The following SETD1B variants were observed in gnomAD, a reference collection of about 807,000 sequenced individuals.
SETD1B encodes SET domain containing 1B, histone lysine methyltransferase, also known as histone-lysine N-methyltransferase SETD1B.
A neutral mutation model predicts 148.0 loss-of-function variants in SETD1B; 7 were observed. That is an observed-to-expected ratio of 0.05 (90% CI 0.03 to 0.09). The LOEUF (loss-of-function observed/expected upper bound fraction) is 0.09. Ranked by LOEUF, SETD1B falls within the 10% of genes least tolerant of loss-of-function variation. The probability of loss-of-function intolerance (pLI) is 1.00; values close to 1 mark genes in which losing one functional copy is unlikely to be tolerated. For synonymous variants in SETD1B, 1,361 were observed against 1,186.5 expected, an observed-to-expected ratio of 1.15 and a Z score of -3.02; for missense variants, 2,155 against 2,729.9, an observed-to-expected ratio of 0.79 and a Z score of 4.69.
chr12:121,805,991 C>T lies in SETD1B; in HGVS notation c.430C>T (p.Leu144=). The T allele has an allele frequency of 6.4e-7, 1 of 1,551,682 alleles. No individual in the cohort carries two copies. The highest frequency in any genetic ancestry group is 1.2e-5 in the South Asian group (1 of 84,060). The change falls in exon 4 of 17, where the codon CTG becomes TTG. Residue 144 remains leucine, a synonymous_variant. Transcript: ENST00000604567. This position sits in a 1 kb window ranked among gnomAD's most constrained non-coding sequence, Gnocchi z 4.2. ...ILYNPKTKKH[L]GIAKVVFATV... is the part of the protein sequence containing the mutation. ...GTACAACCCCAAGACCAAGAAGCAC[C>T]TGGGCATCGCCAAGGTGGTCTTTGC...
intron 12 of SETD1B, among the ~76,000 whole-genome samples, chr12:121,824,839 C>T (rs2137583494): frequency 6.6e-6 from 1 of 152,044 alleles, no homozygotes. Context: ...ATAGCAAAAC[C>T]CCATCTCTAC....
In SETD1B at chr12:121,827,626, C is replaced by T. The variant is rs772634677; in HGVS notation, c.5445C>T (p.Asp1815=). 3 of 1,551,424 alleles carry T rather than the reference C, an allele frequency of 1.9e-6. No homozygotes were observed. Among genetic ancestry groups the T allele is most frequent in the African/African-American group, 2.7e-5 (2 of 73,050 alleles). ...CCTTCACTGGCAGCTGTGACAGTGA[C>T]CTGCTCAAGTTCAACCAGCTCAAGG... ...LSSFTGSCDS[D]LLKFNQLKFR... Residue 1815 remains aspartate, a synonymous_variant, in exon 14 of 17, where the codon GAC becomes GAT. Coordinates refer to ENST00000604567, the MANE Select transcript of SETD1B (RefSeq NM_001353345.2).
At position 121,808,380 on chromosome 12, in the gene SETD1B, G is replaced by T; in HGVS notation, c.657+60G>T. The T allele has an allele frequency of 8.4e-7, 1 of 1,185,664 alleles. No homozygotes were observed. Among genetic ancestry groups the T allele is most frequent in the Non-Finnish European group, 1.2e-6 (1 of 828,674 alleles). The allele number at this position is 1,185,664 out of a possible 1,614,324, so 73.4% of individuals were successfully genotyped here. A position where few individuals can be genotyped will look rare whatever the true frequency, so the allele number is the denominator to read the frequency against. ...GCTCTTTGATGTGCCCCCCACCTCTGGAAAGCCTCACCAACTCTCTTATGG... is the reference window on the plus strand; with the variant it reads ...GCTCTTTGATGTGCCCCCCACCTCTTGAAAGCCTCACCAACTCTCTTATGG... On this transcript the variant is annotated intron_variant, in intron 5 of 16. Transcript: ENST00000604567. The surrounding 1 kb of genome is among the most constrained non-coding windows in gnomAD (Gnocchi z 5.3).
intron 11 of SETD1B, among the ~76,000 whole-genome samples, chr12:121,820,697 C>CT (rs1033250068): frequency 1.3e-5 from 2 of 152,132 alleles, no homozygotes; most frequent in African/African-American, 2.4e-5. Context: ...CCACACCCGA[C>CT]TAATTTTTTG....
intron 16 of SETD1B, among the ~76,000 whole-genome samples, chr12:121,828,424 C>T (rs1876945309): frequency 6.6e-6 from 1 of 152,254 alleles, no homozygotes; most frequent in South Asian, 2.1e-4. Flanking sequence ...CCGAGCTGTC[C>T]ACTAGAACTT....
At chr12:121,829,037 A>G (rs1876971697) in intron 16 of SETD1B, among the ~76,000 whole-genome samples, 1 of 140,828 alleles carries the variant, frequency 7.1e-6, no homozygotes, top group South Asian at 2.6e-4. Context: ...GCCCTGGGGC[A>G]GTTGGGAGAA....
intron 6 of SETD1B, 137 bp from the exon 7 acceptor site, chr12:121,813,969 A>G: frequency 1.5e-6 from 1 of 645,452 alleles, no homozygotes; most frequent in Non-Finnish European, 2.6e-6. Context: ...GAAGACGCTG[A>G]GGCTTGGAGA....
chr12:121,823,076 GCTGCCACCCCTGCTGCCCGCCCCC>G lies in SETD1B; in HGVS notation c.4501_4524del (p.Pro1501_Leu1508del), dbSNP rs760502468. On this transcript the variant is annotated inframe_deletion, in exon 12 of 17. Transcript: ENST00000604567. ...GGGCCCAGGCTCGTGCGCCCACCCC[GCTGCCACCCCTGCTGCCCGCCCCC>G]CTGGCCTCTTGCCCTCCCCCAATGA... is the stretch of plus-strand genomic sequence containing the variant. The G allele has an allele frequency of 1.3e-6, 1 of 787,310 alleles. No individual in the cohort carries two copies. Among genetic ancestry groups the G allele is most frequent in the South Asian group, 2.4e-5 (1 of 41,322 alleles). 48.8% of individuals were successfully genotyped at this position (787,310 alleles called of 1,614,324 possible).
At chr12:121,815,931 G>T (rs1186104112) in intron 7 of SETD1B, among the ~76,000 whole-genome samples, 1 of 148,994 alleles carries the variant, frequency 6.7e-6, no homozygotes, top group Non-Finnish European at 1.5e-5. Context: ...GGGTTCAAGC[G>T]ATTCTCCTGC....
the SETD1B span, chr12:121,793,352 G>T: frequency 2.1e-5 from 30 of 1,425,844 alleles, no homozygotes; most frequent in Non-Finnish European, 2.8e-5. Context: ...CCCTCACCCC[G>T]CTGGGCTCTG....
rs2137594409 is a variant in SETD1B at position 121,830,236 on chromosome 12, C to T, written c.5898C>T (p.Asn1966=). 1.3e-6 allele frequency: 2 copies of T among 1,549,982 alleles called. No homozygotes were observed. The highest frequency in any genetic ancestry group is 2.4e-5 in the East Asian group (1 of 40,912). ...CCGAGAACTGCCGGGGGACCCTCAA[C>T]TAGGCCCCGGCACCAGACTCAAAGG... ...CGSENCRGTL[N] Residue 1966 remains asparagine (N), a synonymous_variant, in exon 17 of 17, where the codon AAC becomes AAT. Transcript: ENST00000604567. This position sits in a 1 kb window ranked among gnomAD's most constrained non-coding sequence, Gnocchi z 5.7.
chr12:121,830,437 C>G lies in SETD1B; in HGVS notation c.*198C>G. ...GGCCCCTCCGCGGGAAAGGGCTTCT[C>G]TGTCGTTCAGCCCACGTCTCTCTCA... On this transcript the variant is annotated 3_prime_UTR_variant, in exon 17 of 17. Transcript: ENST00000604567. This position sits in a 1 kb window ranked among gnomAD's most constrained non-coding sequence, Gnocchi z 5.7. 1 of 548,508 alleles carries G rather than the reference C, an allele frequency of 1.8e-6. No individual in the cohort carries two copies. Among genetic ancestry groups the G allele is most frequent in the East Asian group, 3.0e-5 (1 of 33,554 alleles). The allele number at this position is 548,508 out of a possible 1,614,324, so 34.0% of individuals were successfully genotyped here. A position where few individuals can be genotyped will look rare whatever the true frequency, so the allele number is the denominator to read the frequency against.
In SETD1B at chr12:121,810,030, G is replaced by C; in HGVS notation, c.1085G>C (p.Gly362Ala). The C allele has an allele frequency of 6.4e-7, 1 of 1,550,396 alleles. No homozygotes were observed. The highest frequency in any genetic ancestry group is 8.7e-7 in the Non-Finnish European group (1 of 1,146,906). The stretch of plus-strand genomic sequence containing the variant: ...TTCGGAGCAGTCGGCGGCACTGGGG[G>C]CAGCAGCGGTCCCCCGTTCAAGGCT... ...LPFGAVGGTGGSSGPPFKAQP... is the reference protein window; with the variant it reads ...LPFGAVGGTGASSGPPFKAQP... The change falls in exon 6 of 17, where the codon GGC becomes GCC. Residue 362 changes from glycine to alanine, a missense_variant. Gly to Ala is a moderately conservative substitution (Grantham distance 60). This residue lies in a region of SETD1B where 376 missense variants were observed against 385.0 expected (regional missense o/e 0.98). Coordinates refer to ENST00000604567, the MANE Select transcript of SETD1B (RefSeq NM_001353345.2). This position sits in a 1 kb window ranked among gnomAD's most constrained non-coding sequence, Gnocchi z 7.6.
At position 121,830,293 on chromosome 12, in the gene SETD1B, T is replaced by C. The variant is rs1877033321; in HGVS notation, c.*54T>C. 2.0e-6 allele frequency: 3 copies of C among 1,502,322 alleles called. No homozygotes were observed. Among genetic ancestry groups the C allele is most frequent in the Non-Finnish European group, 2.7e-6 (3 of 1,117,382 alleles). 93.1% of individuals were successfully genotyped at this position (1,502,322 alleles called of 1,614,324 possible). A position where few individuals can be genotyped will look rare whatever the true frequency, so the allele number is the denominator to read the frequency against. On this transcript the variant is annotated 3_prime_UTR_variant, in exon 17 of 17. Coordinates refer to ENST00000604567, the MANE Select transcript of SETD1B (RefSeq NM_001353345.2). The surrounding 1 kb of genome is among the most constrained non-coding windows in gnomAD (Gnocchi z 5.7). The stretch of plus-strand genomic sequence containing the variant: ...GCCGTAGCCCTGGGACTCCCGAGCG[T>C]GGAGCCCCTGGCCCCGGGGCCCGGC...
At position 121,808,242 on chromosome 12, in the gene SETD1B, C is replaced by T. The variant is rs975070611; in HGVS notation, c.579C>T (p.Val193=). 7.1e-6 allele frequency: 11 copies of T among 1,551,342 alleles called. No homozygotes were observed. The highest frequency in any genetic ancestry group is 2.0e-5 in the Admixed American group (1 of 50,966). ...GAATGCGGTTCTATGAACTGTTGGT[C>T]ACTGGCCGATACACCCCCCAGACCC... ...ETRMRFYELL[V]TGRYTPQTLP... Residue 193 remains valine, a synonymous_variant, in exon 5 of 17, where the codon GTC becomes GTT. Transcript: ENST00000604567. This position sits in a 1 kb window ranked among gnomAD's most constrained non-coding sequence, Gnocchi z 5.3.
Position 121,804,657 on chromosome 12 carries a change from C to G in SETD1B, c.-14-67C>G, listed in dbSNP as rs961232141. The stretch of plus-strand genomic sequence containing the variant: ...TGGGGGCCTGCCGATTGGATTCTTT[C>G]GCGTGTGTGTAGAAGCGGCCGCCGC... On this transcript the variant is annotated intron_variant, in intron 1 of 16. Transcript: ENST00000604567. This position sits in a 1 kb window ranked among gnomAD's most constrained non-coding sequence, Gnocchi z 4.6. 1.4e-5 allele frequency: 19 copies of G among 1,390,292 alleles called. No homozygotes were observed. The highest frequency in any genetic ancestry group is 1.8e-5 in the Non-Finnish European group (18 of 1,023,306). The allele number at this position is 1,390,292 out of a possible 1,614,324, so 86.1% of individuals were successfully genotyped here. A position where few individuals can be genotyped will look rare whatever the true frequency, so the allele number is the denominator to read the frequency against.
At position 121,817,074 on chromosome 12, in the gene SETD1B, G is replaced by C. The variant is rs757701539; in HGVS notation, c.2757G>C (p.Glu919Asp). ...TGAAGTCGGGCGAGCACAAGGACGA[G>C]GACAGGCCGAAGCCCAAGGACCGCA... is the stretch of plus-strand genomic sequence containing the variant. ...TPVKSGEHKD[E>D]DRPKPKDRIA... Residue 919 changes from glutamate to aspartate, a missense_variant, in exon 8 of 17, where the codon GAG becomes GAC. Glu to Asp is a conservative substitution (Grantham distance 45, BLOSUM62 2). Coordinates refer to ENST00000604567, the MANE Select transcript of SETD1B (RefSeq NM_001353345.2). This position sits in a 1 kb window ranked among gnomAD's most constrained non-coding sequence, Gnocchi z 8.1. 4.5e-6 allele frequency: 7 copies of C among 1,546,296 alleles called. No individual in the cohort carries two copies. In the Admixed American group the frequency reaches 9.8e-5, roughly 22 times the overall value.
Position 121,814,137 on chromosome 12 carries a change from T to C in SETD1B, c.1922T>C (p.Ile641Thr). The C allele has an allele frequency of 6.5e-7, 1 of 1,548,910 alleles. No individual in the cohort carries two copies. The highest frequency in any genetic ancestry group is 1.4e-5 in the African/African-American group (1 of 72,800). The change falls in exon 7 of 17, where the codon ATC (isoleucine) becomes ACC (threonine). Residue 641 changes from isoleucine (I) to threonine (T), a missense_variant. This residue lies in a region of SETD1B where 295 missense variants were observed against 303.8 expected (regional missense o/e 0.97). Coordinates refer to ENST00000604567, the MANE Select transcript of SETD1B (RefSeq NM_001353345.2). The part of the protein sequence containing the change: ...GQQSSGEDME[I>T]SDDEMPSAPI... ...CAGTCCTCAGGCGAGGACATGGAGA[T>C]CTCGGATGACGAGATGCCCTCGGCC...
the SETD1B span, among the ~76,000 whole-genome samples, chr12:121,791,923 C>T: frequency 6.6e-6 from 1 of 152,348 alleles, no homozygotes; most frequent in South Asian, 2.1e-4. Context: ...AAAGGTGTCC[C>T]AGACCATGAC....
Sources: gnomAD v4.1 joint callset for allele counts (sites outside exome capture counted in the v4.1 genomes callset) on GRCh38, gnomAD v4.1.1 for gene constraint, gnomAD v4.1.1 regional missense constraint, Gnocchi (gnomAD v3.1) non-coding constraint, MANE v1.5 for transcripts, NCBI Gene and HGNC (gene_info 2026-07-23, HGNC 2026-07-21) for gene names.